Variants in NBEA observed in about 807,000 individuals in gnomAD.
The protein encoded by NBEA is lysosomal-trafficking regulator 2.
A neutral mutation model predicts 343.4 loss-of-function variants in NBEA; 44 were observed. The ratio of observed to expected loss-of-function variants is 0.13; its 90% confidence interval spans 0.10 to 0.16. The LOEUF is 0.16. NBEA is among the 10% of genes least tolerant of loss of function. The probability of loss-of-function intolerance (pLI) is 1.00; values close to 1 mark genes in which losing one functional copy is unlikely to be tolerated. For missense variants in NBEA, 2,555 were observed against 3,631.3 expected (o/e 0.70, Z 7.62); for synonymous variants, 1,175 against 1,238.7 (o/e 0.95, Z 1.08).
chr13:35,478,491 C>T (rs904832582), intron 41 of NBEA, among the ~76,000 whole-genome samples: 7 of 152,240 alleles, frequency 4.6e-5, no homozygotes, highest in African/African-American at 1.7e-4. Context: ...CCTCACCCGG[C>T]GCGTGTGGCC....
At chr13:34,953,213 G>A (rs1424561429) in intron 1 of NBEA, among the ~76,000 whole-genome samples, 1 of 152,138 alleles carries the variant, frequency 6.6e-6, no homozygotes, top group Non-Finnish European at 1.5e-5. Flanking sequence ...TGTCTTAAAA[G>A]ACAAGTGTTT....
chr13:35,628,611 A>C (rs1218470374), intron 49 of NBEA, among the ~76,000 whole-genome samples: 2 of 152,218 alleles, frequency 1.3e-5, no homozygotes, highest in Non-Finnish European at 2.9e-5. Context: ...GGCTATTCTT[A>C]AAAATAACAG....
At chr13:35,380,294 A>G (rs1178134560) in intron 38 of NBEA, among the ~76,000 whole-genome samples, 2 of 151,916 alleles carry the variant, frequency 1.3e-5, no homozygotes, top group Non-Finnish European at 2.9e-5. Flanking sequence ...CAAATACAAA[A>G]ATTAGCCTGG....
intron 41 of NBEA, among the ~76,000 whole-genome samples, chr13:35,514,561 G>A (rs1204334688): frequency 6.6e-6 from 1 of 152,040 alleles, no homozygotes; most frequent in Admixed American, 6.5e-5. Flanking sequence ...AGTGGTCATA[G>A]AGGAATTTTT....
At chr13:35,630,192 A>G (rs1340052076) in intron 49 of NBEA, among the ~76,000 whole-genome samples, 1 of 152,226 alleles carries the variant, frequency 6.6e-6, no homozygotes, top group Non-Finnish European at 1.5e-5. Context: ...AAAAGAGATA[A>G]CTGAAAGAAT....
Position 35,070,758 on chromosome 13 carries a change from A to G in NBEA, c.1477A>G (p.Ile493Val), listed in dbSNP as rs531031104. Residue 493 changes from isoleucine (I) to valine (V), a missense_variant, in exon 10 of 59, where the codon ATT (isoleucine) becomes GTT (valine). By Grantham distance (29) the Ile-to-Val change is conservative (BLOSUM62 3). Coordinates refer to ENST00000379939, the MANE Select transcript of NBEA (RefSeq NM_001385012.1). ...AIVTHSIHSA[I>V]HSIGGIQVLF... ...AGTAACACATTCAATTCATAGTGCAATTCATTCAATTGGAGGGATTCAAGT... is the reference window on the plus strand; with the variant it reads ...AGTAACACATTCAATTCATAGTGCAGTTCATTCAATTGGAGGGATTCAAGT... 13 of 1,608,484 alleles carry G rather than the reference A, an allele frequency of 8.1e-6. No homozygotes were observed. The highest frequency in any genetic ancestry group is 2.2e-5 in the East Asian group (1 of 44,708).
intron 41 of NBEA, among the ~76,000 whole-genome samples, chr13:35,498,928 G>GT (rs2076784359): frequency 6.6e-6 from 1 of 152,000 alleles, no homozygotes; most frequent in African/African-American, 2.4e-5. Flanking sequence ...GATTTGTGTG[G>GT]TGGTGCTGTT....
chr13:35,124,773 C>T (rs1428956595), intron 17 of NBEA, among the ~76,000 whole-genome samples: 3 of 149,262 alleles, frequency 2.0e-5, no homozygotes, highest in Non-Finnish European at 4.4e-5. Flanking sequence ...TATATACACA[C>T]ATATATGGAT....
At chr13:35,492,585 A>T (rs2076540692) in intron 41 of NBEA, among the ~76,000 whole-genome samples, 1 of 151,906 alleles carries the variant, frequency 6.6e-6, no homozygotes, top group Admixed American at 6.6e-5. Context: ...TTCCTTGAAG[A>T]TAAACTCTAC....
At chr13:35,098,160 G>A (rs572699624) in intron 10 of NBEA, 137 bp from the exon 11 acceptor site, 3 of 575,604 alleles carry the variant, frequency 5.2e-6, no homozygotes, top group East Asian at 2.9e-5. Flanking sequence ...ATAATATAAG[G>A]CATAATAGTC....
intron 8 of NBEA, 90 bp downstream of exon 8, chr13:35,058,953 G>A (rs2063364326): frequency 3.8e-6 from 4 of 1,062,070 alleles, no homozygotes; most frequent in Admixed American, 3.7e-5. Flanking sequence ...TCTTTAATAC[G>A]GTTTAAGAGT....
rs549818378 is a variant in NBEA at position 35,043,379 on chromosome 13, T to G, written c.527-1568T>G. Among the ~76,000 whole-genome samples, 5 of 151,982 alleles carry G rather than the reference T, an allele frequency of 3.3e-5. No homozygotes were observed. In the South Asian group the frequency reaches 8.3e-4, roughly 25 times the overall value. On this transcript the variant is annotated intron_variant, in intron 2 of 58. Coordinates refer to ENST00000379939, the MANE Select transcript of NBEA (RefSeq NM_001385012.1). ...TAAACGTTGCAAATATTTTTTAAAG[T>G]TTTTTTAAAAGTATTTTATGTAAAC...
chr13:35,067,933 T>C (rs544697996), intron 8 of NBEA, among the ~76,000 whole-genome samples: 2 of 152,090 alleles, frequency 1.3e-5, no homozygotes, highest in South Asian at 2.1e-4. Flanking sequence ...ATGGGGTCTC[T>C]CTGTGTGTTG....
intron 34 of NBEA, among the ~76,000 whole-genome samples, chr13:35,271,410 C>T (rs1003186681): frequency 6.6e-6 from 1 of 152,160 alleles, no homozygotes; most frequent in Non-Finnish European, 1.5e-5. Context: ...GAAACCAGAG[C>T]AGAAGGGCTG....
At chr13:35,140,521 T>C (rs1462446433) in intron 17 of NBEA, among the ~76,000 whole-genome samples, 2 of 152,178 alleles carry the variant, frequency 1.3e-5, no homozygotes, top group African/African-American at 4.8e-5. Flanking sequence ...TTTTTTTAAA[T>C]AGCCATTTGA....
At chr13:35,278,703 C>T (rs1487431815) in intron 34 of NBEA, among the ~76,000 whole-genome samples, 1 of 152,016 alleles carries the variant, frequency 6.6e-6, no homozygotes, top group Non-Finnish European at 1.5e-5. Context: ...CCCAGTAAGA[C>T]CTGAAGGAAG....
At chr13:35,536,630 G>A (rs188382253) in intron 41 of NBEA, among the ~76,000 whole-genome samples, 5 of 146,996 alleles carry the variant, frequency 3.4e-5, no homozygotes, top group African/African-American at 1.0e-4. Context: ...AACTGGCTTC[G>A]TAAAAAATAG....
chr13:35,664,338 G>A (rs74589466), intron 55 of NBEA, among the ~76,000 whole-genome samples: 9,450 of 152,184 alleles, frequency 0.062, 312 homozygotes, highest in South Asian at 0.1. Context: ...ATAGGGGATC[G>A]GGGGTGGTTA....
At chr13:35,069,290 C>A (rs553011482) in intron 8 of NBEA, among the ~76,000 whole-genome samples, 1 of 152,066 alleles carries the variant, frequency 6.6e-6, no homozygotes, top group East Asian at 1.9e-4. Flanking sequence ...CAATTTTAAC[C>A]ACATCTAACA....
Sources: gnomAD v4.1 joint callset for allele counts (sites outside exome capture counted in the v4.1 genomes callset) on GRCh38, gnomAD v4.1.1 for gene constraint, MANE v1.5 for transcripts, NCBI Gene and HGNC (gene_info 2026-07-23, HGNC 2026-07-21) for gene names.